USP13: variants seen among roughly 807,000 people sequenced by gnomAD.
The protein encoded by USP13 is ubiquitin specific peptidase 13.
In USP13, 68 loss-of-function variants were observed where a neutral mutation model predicts 107.8. The observed-to-expected ratio is 0.63, with a 90% confidence interval of 0.52 to 0.77. The LOEUF is 0.77. Among genes scored for constraint, USP13 ranks in the 30% least tolerant of loss-of-function variants. The probability of loss-of-function intolerance (pLI) is 0.00; values close to 1 mark genes in which losing one functional copy is unlikely to be tolerated. For missense variants in USP13, 945 were observed against 1,093.3 expected, an observed-to-expected ratio of 0.86 and a Z score of 1.91; for synonymous variants, 377 against 389.5, an observed-to-expected ratio of 0.97 and a Z score of 0.38.
intron 19 of USP13, among the ~76,000 whole-genome samples, chr3:179,775,824 C>T (rs1030629637): frequency 2.6e-5 from 4 of 152,216 alleles, no homozygotes; most frequent in African/African-American, 7.2e-5. Flanking sequence ...GAGCATTGTG[C>T]GCAGCCCCGG....
At chr3:179,700,607 A>G (rs1712482741) in intron 3 of USP13, among the ~76,000 whole-genome samples, 1 of 152,078 alleles carries the variant, frequency 6.6e-6, no homozygotes, top group Non-Finnish European at 1.5e-5. Context: ...AAACCAAACA[A>G]CCATTCCAGC....
At chr3:179,738,277 G>A (rs949464586) in intron 10 of USP13, among the ~76,000 whole-genome samples, 5 of 152,206 alleles carry the variant, frequency 3.3e-5, no homozygotes, top group Non-Finnish European at 4.4e-5. Flanking sequence ...AAGTGGGTGG[G>A]TAGCAGCTAC....
intron 1 of USP13, among the ~76,000 whole-genome samples, chr3:179,655,885 T>A (rs1720245520): frequency 6.6e-6 from 1 of 152,250 alleles, no homozygotes; most frequent in Non-Finnish European, 1.5e-5. Context: ...CACTATACTA[T>A]GAATCCAATA....
chr3:179,767,427 G>GTTT (rs1491164607), intron 19 of USP13, among the ~76,000 whole-genome samples: 2,372 of 147,438 alleles, frequency 0.016, 89 homozygotes, highest in African/African-American at 0.058. Flanking sequence ...AGTTTTTTTT[G>GTTT]GTTTTTTTTT....
At chr3:179,736,450 G>T (rs1713999971) in intron 10 of USP13, among the ~76,000 whole-genome samples, 1 of 152,180 alleles carries the variant, frequency 6.6e-6, no homozygotes, top group African/African-American at 2.4e-5. Context: ...ATGGGACCAG[G>T]TGATGATCAA....
chr3:179,777,616 C>G (rs978217453), intron 19 of USP13, among the ~76,000 whole-genome samples: 1 of 151,964 alleles, frequency 6.6e-6, no homozygotes, highest in Non-Finnish European at 1.5e-5. Context: ...CCATGCCTGG[C>G]TAATTTTTTT....
intron 4 of USP13, among the ~76,000 whole-genome samples, chr3:179,706,414 C>A (rs987001971): frequency 3.9e-5 from 6 of 152,170 alleles, no homozygotes; most frequent in African/African-American, 1.4e-4. Flanking sequence ...CACAGAGACA[C>A]CCAGGCATGT....
chr3:179,764,478 C>T (rs1270139784), intron 18 of USP13, among the ~76,000 whole-genome samples: 2 of 152,024 alleles, frequency 1.3e-5, no homozygotes, highest in African/African-American at 2.4e-5. Context: ...GCTTGTGGCC[C>T]TAGAGGAAAG....
chr3:179,673,435 A>C (rs749055949), intron 1 of USP13, among the ~76,000 whole-genome samples: 1 of 152,158 alleles, frequency 6.6e-6, no homozygotes, highest in Non-Finnish European at 1.5e-5. Flanking sequence ...TATTTTTAGG[A>C]TTCAGCAATA....
Position 179,681,961 on chromosome 3 carries a change from T to C in USP13, c.252T>C (p.Thr84=), listed in dbSNP as rs771814467. The change falls in exon 2 of 21, where the codon ACT becomes ACC. Residue 84 remains threonine, a synonymous_variant. Coordinates refer to ENST00000263966, the MANE Select transcript of USP13 (RefSeq NM_003940.3). The part of the protein sequence containing the change: ...REHVERHFRK[T]GQSVYMHLKR... ...ATGTTGAAAGACATTTTCGAAAAAC[T>C]GGACAGAGTGTATACATGCACCTGA... 2.5e-6 allele frequency: 4 copies of C among 1,614,084 alleles called. No individual in the cohort carries two copies. Among genetic ancestry groups the C allele is most frequent in the South Asian group, 2.2e-5 (2 of 91,058 alleles).
At chr3:179,658,168 C>A (rs573454201) in intron 1 of USP13, among the ~76,000 whole-genome samples, 100 of 152,288 alleles carry the variant, frequency 6.6e-4, no homozygotes, top group East Asian at 4.4e-3. Context: ...GTTGGCCAGG[C>A]TGGTCCTGAA....
intron 20 of USP13, among the ~76,000 whole-genome samples, chr3:179,782,090 G>C (rs779415323): frequency 3.9e-5 from 6 of 152,026 alleles, no homozygotes; most frequent in Non-Finnish European, 8.8e-5. Flanking sequence ...CCAAAATAAA[G>C]ATGCATCCTG....
intron 1 of USP13, among the ~76,000 whole-genome samples, chr3:179,669,954 C>G (rs1313943882): frequency 1.3e-5 from 2 of 152,212 alleles, no homozygotes; most frequent in Admixed American, 1.3e-4. Context: ...GTGCACCCAG[C>G]TCTCCCCTGG....
intron 2 of USP13, among the ~76,000 whole-genome samples, chr3:179,685,377 T>C (rs1711832833): frequency 6.6e-6 from 1 of 152,134 alleles, no homozygotes; most frequent in Admixed American, 6.5e-5. Flanking sequence ...ATTTGAAGTT[T>C]CTCTAATTTC....
At chr3:179,660,639 C>T (rs140033449) in intron 1 of USP13, among the ~76,000 whole-genome samples, 60 of 152,278 alleles carry the variant, frequency 3.9e-4, no homozygotes, top group African/African-American at 1.4e-3. Context: ...CTGCATTTTA[C>T]CATTGTACTA....
chr3:179,714,923 A>G (rs1713059472), intron 6 of USP13, among the ~76,000 whole-genome samples: 1 of 128,720 alleles, frequency 7.8e-6, no homozygotes, highest in African/African-American at 3.1e-5. Flanking sequence ...CAGGCTGGAG[A>G]GCAGTGGTGG....
intron 13 of USP13, among the ~76,000 whole-genome samples, chr3:179,751,781 T>C (rs1714620823): frequency 6.6e-6 from 1 of 152,250 alleles, no homozygotes; most frequent in African/African-American, 2.4e-5. Flanking sequence ...TGGAGTCCAG[T>C]GGCATGATCT....
Position 179,761,209 on chromosome 3 carries a change from C to T in USP13, c.2046C>T (p.Gly682=), listed in dbSNP as rs771535175. 13 of 1,613,996 alleles carry T rather than the reference C, an allele frequency of 8.1e-6. No homozygotes were observed. Among genetic ancestry groups the T allele is most frequent in the African/African-American group, 4.0e-5 (3 of 74,892 alleles). Residue 682 remains glycine (G), a synonymous_variant, in exon 17 of 21, where the codon GGC becomes GGT. Coordinates refer to ENST00000263966, the MANE Select transcript of USP13 (RefSeq NM_003940.3). The part of the protein sequence containing the change: ...RKAVYFTGNM[G]AEVAFNWIIV... ...CTGTGTACTTCACTGGAAATATGGG[C>T]GCCGAGGTGGCCTTCAACTGGATCA... is the stretch of plus-strand genomic sequence containing the variant.
chr3:179,664,062 G>A (rs1720521622), intron 1 of USP13, among the ~76,000 whole-genome samples: 1 of 152,008 alleles, frequency 6.6e-6, no homozygotes. Context: ...AAAGAGTAGA[G>A]AACTGAAAAC....
Sources: allele counts gnomAD v4.1 joint callset (sites outside exome capture counted in the v4.1 genomes callset), GRCh38; gene constraint gnomAD v4.1.1; transcripts MANE v1.5; gene names NCBI Gene and HGNC (gene_info 2026-07-23, HGNC 2026-07-21).